Variants in HFM1 observed in about 807,000 individuals in gnomAD.
HFM1 encodes the protein helicase for meiosis 1.
HFM1 carries 169 observed loss-of-function variants against 192.1 expected under a neutral mutation model. That is an observed-to-expected ratio of 0.88 (90% CI 0.78 to 1.00). HFM1 has a LOEUF of 1.00. HFM1 is among the 50% of genes least tolerant of loss of function. HFM1 has a pLI of 0.00. For synonymous variants in HFM1, 525 were observed against 537.8 expected (o/e 0.98, Z 0.33); for missense variants, 1,661 against 1,668.0 (o/e 1.00, Z 0.07).
At chr1:91,366,047 T>C (rs550930679) in intron 13 of HFM1, among the ~76,000 whole-genome samples, 5 of 150,996 alleles carry the variant, frequency 3.3e-5, no homozygotes, top group African/African-American at 1.2e-4. Flanking sequence ...AGAGGAGAGT[T>C]AAAGGAGAGA....
intron 30 of HFM1, among the ~76,000 whole-genome samples, chr1:91,280,869 T>C (rs1667397147): frequency 6.6e-6 from 1 of 152,146 alleles, no homozygotes; most frequent in African/African-American, 2.4e-5. Flanking sequence ...TTAAATCCAT[T>C]AGGGTGTCCT....
In HFM1 at chr1:91,315,954, T is replaced by C; in HGVS notation, c.3001A>G (p.Thr1001Ala). Residue 1001 changes from threonine (T) to alanine (A), a missense_variant, in exon 28 of 39, where the codon ACG becomes GCG. Physicochemically the swap from Thr to Ala is moderately conservative, Grantham distance 58. Transcript: ENST00000370425. ...ACAGTCACTAATATTTCTGCCGTCG[T>C]ATCACTATATCTTGTAATCTTTAAA... is the stretch of plus-strand genomic sequence containing the variant. Reference protein sequence around the residue: ...KVEQITRYSDTTAEILVTVIL... With the variant: ...KVEQITRYSDATAEILVTVIL... 1 of 1,588,784 alleles carries C rather than the reference T, an allele frequency of 6.3e-7. No individual in the cohort carries two copies. The highest frequency in any genetic ancestry group is 1.7e-4 in the Middle Eastern group (1 of 5,992).
At position 91,343,505 on chromosome 1, in the gene HFM1, A is replaced by C; in HGVS notation, c.2260T>G (p.Cys754Gly). ...DGIEAKLQEL[C>G]LKNLNDLSSL... ...GATAAATCATTCAGATTCTTCAAAC[A>C]TAATTCTGTTTAATTATAGAAAACA... Residue 754 changes from cysteine to glycine, a missense_variant, in exon 20 of 39, where the codon TGT becomes GGT. Coordinates refer to ENST00000370425, the MANE Select transcript of HFM1 (RefSeq NM_001017975.6). 1 of 1,312,814 alleles carries C rather than the reference A, an allele frequency of 7.6e-7. No individual in the cohort carries two copies. The highest frequency in any genetic ancestry group is 1.1e-6 in the Non-Finnish European group (1 of 943,542). 81.3% of individuals were successfully genotyped at this position (1,312,814 alleles called of 1,614,324 possible).
At chr1:91,333,946 G>C (rs774378675) in intron 20 of HFM1, among the ~76,000 whole-genome samples, 1 of 152,134 alleles carries the variant, frequency 6.6e-6, no homozygotes, top group East Asian at 1.9e-4. Flanking sequence ...ATACAAACTT[G>C]AGTATGGAGG....
chr1:91,336,879 C>T (rs1654652660), intron 20 of HFM1, among the ~76,000 whole-genome samples: 1 of 152,194 alleles, frequency 6.6e-6, no homozygotes, highest in Admixed American at 6.5e-5. Context: ...GGTACACATA[C>T]ACCATGGGAT....
At chr1:91,400,223 C>T (rs1026027878) in intron 2 of HFM1, among the ~76,000 whole-genome samples, 3 of 152,092 alleles carry the variant, frequency 2.0e-5, no homozygotes, top group African/African-American at 4.8e-5. Context: ...TCCATAAAAG[C>T]CAGTATTTAA....
At chr1:91,389,248 G>A (rs12142604) in intron 4 of HFM1, among the ~76,000 whole-genome samples, 15,497 of 144,710 alleles carry the variant, frequency 0.11, 873 homozygotes, top group Middle Eastern at 0.16. Context: ...TGCAAGCTCC[G>A]CCTCCCGGGT....
chr1:91,338,766 T>A lies in HFM1; in HGVS notation c.2335+4664A>T, dbSNP rs191102391. 2.6e-5 allele frequency among the ~76,000 whole-genome samples: 4 copies of A among 152,254 alleles called. No homozygotes were observed. In the East Asian group the frequency reaches 7.7e-4, roughly 29 times the overall value. On this transcript the variant is annotated intron_variant, in intron 20 of 38. Coordinates refer to ENST00000370425, the MANE Select transcript of HFM1 (RefSeq NM_001017975.6). ...CACTATGCTGCTGTCTTGCCACTGC[T>A]GATACACTGCAAACATGGACCCTGC... is the stretch of plus-strand genomic sequence containing the variant.
At chr1:91,303,687 T>G (rs1474613059) in intron 30 of HFM1, among the ~76,000 whole-genome samples, 1 of 152,214 alleles carries the variant, frequency 6.6e-6, no homozygotes. Flanking sequence ...TGTCCATCAT[T>G]TTGACTAAAG....
rs184372411 is a variant in HFM1 at position 91,303,453 on chromosome 1, T to A, written c.3391+9896A>T. On this transcript the variant is annotated intron_variant, in intron 30 of 38. Transcript: ENST00000370425. ...GGGTTGTTTCCAGTTTGGGCTATTA[T>A]AAATAATGCAGCTATATACATTCAT... Among the ~76,000 whole-genome samples the A allele has an allele frequency of 6.4e-3, 982 of 152,346 alleles. 3 individuals are homozygous for A. Among genetic ancestry groups the A allele is most frequent in the Non-Finnish European group, 0.011 (726 of 68,026 alleles).
At position 91,343,466 on chromosome 1, in the gene HFM1, T is replaced by C. The variant is rs1450788148; in HGVS notation, c.2299A>G (p.Ile767Val). The C allele has an allele frequency of 2.1e-6, 3 of 1,449,776 alleles. No homozygotes were observed. The highest frequency in any genetic ancestry group is 2.8e-6 in the Non-Finnish European group (3 of 1,055,226). The allele number at this position is 1,449,776 out of a possible 1,614,324, so 89.8% of individuals were successfully genotyped here. A position where few individuals can be genotyped will look rare whatever the true frequency, so the allele number is the denominator to read the frequency against. ...AAATTAACACCTTCATCCATCTTTA[T>C]TAAGTCCAGGGATGATAAATCATTC... Reference protein sequence around the residue: ...NLNDLSSLDLIKMDEGVNFKP... With the variant: ...NLNDLSSLDLVKMDEGVNFKP... The change falls in exon 20 of 39, where the codon ATA (isoleucine) becomes GTA (valine). Residue 767 changes from isoleucine to valine, a missense_variant. Physicochemically the swap from Ile to Val is conservative, Grantham distance 29. Transcript: ENST00000370425.
chr1:91,315,212 A>G (rs1255249437), intron 28 of HFM1, among the ~76,000 whole-genome samples: 4 of 152,216 alleles, frequency 2.6e-5, no homozygotes, highest in Admixed American at 2.6e-4. Context: ...AAATAATTCA[A>G]TATTTGGAAC....
intron 30 of HFM1, among the ~76,000 whole-genome samples, chr1:91,296,736 T>C (rs1055650487): frequency 2.0e-5 from 3 of 152,208 alleles, no homozygotes; most frequent in Non-Finnish European, 4.4e-5. Context: ...GTCTTGAGCA[T>C]CTTTTGTTAT....
At chr1:91,291,009 C>T (rs935593111) in intron 30 of HFM1, among the ~76,000 whole-genome samples, 27 of 152,126 alleles carry the variant, frequency 1.8e-4, no homozygotes, top group African/African-American at 5.5e-4. Flanking sequence ...CCAACGAGAA[C>T]GAAGACACAA....
At chr1:91,296,559 C>T (rs1647616595) in intron 30 of HFM1, among the ~76,000 whole-genome samples, 1 of 151,894 alleles carries the variant, frequency 6.6e-6, no homozygotes, top group South Asian at 2.1e-4. Flanking sequence ...AAAATGACAA[C>T]AACAACAAAA....
At chr1:91,328,281 A>G in intron 20 of HFM1, 1 of 894,688 alleles carries the variant, frequency 1.1e-6, no homozygotes. Context: ...CTGAGGGGGG[A>G]AAGTGGGCTT....
chr1:91,292,619 C>T (rs1202411226), intron 30 of HFM1, among the ~76,000 whole-genome samples: 1 of 151,894 alleles, frequency 6.6e-6, no homozygotes, highest in South Asian at 2.1e-4. Context: ...TGAAAATGGC[C>T]ATACTGCCCA....
At chr1:91,273,653 T>A (rs1174344555) in intron 34 of HFM1, 59 bp downstream of exon 34, 4 of 865,678 alleles carry the variant, frequency 4.6e-6, no homozygotes, top group Non-Finnish European at 7.6e-6. Flanking sequence ...ACACTACTCG[T>A]CAATTCAAAG....
chr1:91,297,125 C>T (rs1349164264), intron 30 of HFM1, among the ~76,000 whole-genome samples: 4 of 152,186 alleles, frequency 2.6e-5, no homozygotes, highest in South Asian at 2.1e-4. Flanking sequence ...TCTTAGCAAA[C>T]GGCACACCAG....
Sources: gnomAD v4.1 joint callset for allele counts (sites outside exome capture counted in the v4.1 genomes callset) on GRCh38, gnomAD v4.1.1 for gene constraint, MANE v1.5 for transcripts, NCBI Gene and HGNC (gene_info 2026-07-23, HGNC 2026-07-21) for gene names.